The following LMNTD1 variants were observed in gnomAD, a reference collection of about 807,000 sequenced individuals.
LMNTD1 encodes lamin tail domain-containing protein 1.
A neutral mutation model predicts 50.9 loss-of-function variants in LMNTD1; 35 were observed. The ratio of observed to expected loss-of-function variants is 0.69; its 90% CI spans 0.53 to 0.91. The LOEUF (loss-of-function observed/expected upper bound fraction) is 0.91. Ranked by LOEUF, LMNTD1 falls within the 40% of genes least tolerant of loss-of-function variation. The pLI is 0.00. For missense variants in LMNTD1, 470 were observed against 475.5 expected, an observed-to-expected ratio of 0.99 and a Z score of 0.11; for synonymous variants, 153 against 161.9, an observed-to-expected ratio of 0.94 and a Z score of 0.42.
chr12:25,503,824 A>T (rs778330504), intron 8 of LMNTD1, 24 bp from the exon 9 acceptor site: 5 of 1,426,944 alleles, frequency 3.5e-6, no homozygotes, highest in African/African-American at 1.4e-5. Context: ...AAAATAATTA[A>T]AAAAAGGAGA....
chr12:25,622,462 AGCCC>A (rs1555124233), intron 1 of LMNTD1, among the ~76,000 whole-genome samples: 4 of 120,310 alleles, frequency 3.3e-5, no homozygotes, highest in South Asian at 2.9e-4. Context: ...TGAGTTTGTG[AGCCC>A]GCCCCCCCCC....
chr12:25,505,647 G>A (rs1412310454), intron 8 of LMNTD1, among the ~76,000 whole-genome samples: 2 of 144,270 alleles, frequency 1.4e-5, no homozygotes, highest in Admixed American at 7.0e-5. Flanking sequence ...AGTTTCTTTT[G>A]GAAAAATTAT....
intron 8 of LMNTD1, among the ~76,000 whole-genome samples, chr12:25,510,973 T>C (rs930534900): frequency 6.6e-6 from 1 of 152,100 alleles, no homozygotes; most frequent in African/African-American, 2.4e-5. Context: ...GAACACATAT[T>C]AGGAGCAAAA....
Position 25,549,349 on chromosome 12 carries a change from C to G in LMNTD1, c.287G>C (p.Cys96Ser). ...QLTSKATVGS[C>S]SRVENSLDAS... ...ACCCAAGCTGTTTTCCACTCTGGAA[C>G]AGCTACCTACAGTAGCTTTAGAAGT... Residue 96 changes from cysteine to serine, a missense_variant, in exon 3 of 10, where the codon TGT becomes TCT. By Grantham distance (112) the Cys-to-Ser change is moderately radical. Transcript: ENST00000458174. 1 of 1,608,148 alleles carries G rather than the reference C, an allele frequency of 6.2e-7. No individual in the cohort carries two copies. The highest frequency in any genetic ancestry group is 2.2e-5 in the East Asian group (1 of 44,710).
intron 8 of LMNTD1, among the ~76,000 whole-genome samples, chr12:25,517,771 G>GAAAC (rs1565959337): frequency 1.4e-5 from 2 of 142,252 alleles, no homozygotes; most frequent in Non-Finnish European, 3.1e-5. Context: ...CAGGAAAAAA[G>GAAAC]AAAAAGAAAT....
intron 4 of LMNTD1, among the ~76,000 whole-genome samples, chr12:25,533,026 A>G (rs1221302417): frequency 6.6e-6 from 1 of 152,164 alleles, no homozygotes; most frequent in Non-Finnish European, 1.5e-5. Context: ...CTTTTCAAAA[A>G]TCCTTCATTA....
At chr12:25,508,766 T>C (rs1940021517) in intron 8 of LMNTD1, among the ~76,000 whole-genome samples, 1 of 152,212 alleles carries the variant, frequency 6.6e-6, no homozygotes, top group Non-Finnish European at 1.5e-5. Context: ...ATTCTTGTCT[T>C]GCTCAGGACC....
rs1185692875 is a variant in LMNTD1 at position 25,564,838 on chromosome 12, C to T, written c.59-18284G>A. 2.0e-5 allele frequency among the ~76,000 whole-genome samples: 3 copies of T among 152,104 alleles called. No individual in the cohort carries two copies. In the East Asian group the frequency reaches 5.8e-4, roughly 29 times the overall value. ...GTTGAAAGTGGGGTGAAGTCTCTAG[C>T]TATTATTGTATTGGAGTCTATCTCT... On this transcript the variant is annotated intron_variant, in intron 1 of 7. Coordinates refer to the LMNTD1 transcript ENST00000445693.
intron 9 of LMNTD1, among the ~76,000 whole-genome samples, chr12:25,484,768 T>C (rs201366622): frequency 0.017 from 2,465 of 145,644 alleles, 93 homozygotes; most frequent in East Asian, 0.15. Context: ...GGTTTTTTCT[T>C]CTTGCGATAG....
At chr12:25,584,449 T>C (rs961843856) in intron 1 of LMNTD1, among the ~76,000 whole-genome samples, 2 of 152,192 alleles carry the variant, frequency 1.3e-5, no homozygotes, top group Non-Finnish European at 2.9e-5. Context: ...AAAAGTCCTA[T>C]ATGATGTTTT....
At chr12:25,635,748 A>G (rs2136610232) in intron 1 of LMNTD1, among the ~76,000 whole-genome samples, 1 of 152,378 alleles carries the variant, frequency 6.6e-6, no homozygotes, top group South Asian at 2.1e-4. Flanking sequence ...CTATAAGGCC[A>G]TAGCTACCAA....
chr12:25,498,842 A>G (rs188046730), intron 9 of LMNTD1, among the ~76,000 whole-genome samples: 1 of 152,282 alleles, frequency 6.6e-6, no homozygotes, highest in African/African-American at 2.4e-5. Flanking sequence ...TGGTTGCAAC[A>G]TGCTAGGCAT....
intron 1 of LMNTD1, among the ~76,000 whole-genome samples, chr12:25,593,464 G>A (rs1824923): frequency 0.29 from 43,751 of 151,854 alleles, 8,036 homozygotes; most frequent in East Asian, 0.86. Flanking sequence ...AGAGATAACA[G>A]TCACTACAGA....
At chr12:25,511,555 A>G (rs992455035) in intron 8 of LMNTD1, among the ~76,000 whole-genome samples, 1 of 152,196 alleles carries the variant, frequency 6.6e-6, no homozygotes, top group Admixed American at 6.5e-5. Flanking sequence ...TGGGCTGGAG[A>G]TAAAGAGTTT....
chr12:25,588,474 T>C (rs1945605568), intron 1 of LMNTD1, among the ~76,000 whole-genome samples: 1 of 152,174 alleles, frequency 6.6e-6, no homozygotes, highest in East Asian at 1.9e-4. Context: ...AATATTGATG[T>C]AAAGAAGTAA....
rs1448177600 is a variant in LMNTD1, at chr12:25,621,923, T to G, written c.58+26571A>C. On this transcript the variant is annotated intron_variant, in intron 1 of 7. Transcript: ENST00000445693. ...AAAACTGATGTGATTGCCTCCATAGTAAGAGGATCACCCTGGCTGCTGTTA... is the reference window on the plus strand; with the variant it reads ...AAAACTGATGTGATTGCCTCCATAGGAAGAGGATCACCCTGGCTGCTGTTA... 2.0e-5 allele frequency among the ~76,000 whole-genome samples: 3 copies of G among 152,188 alleles called. No homozygotes were observed. In the East Asian group the frequency reaches 5.8e-4, roughly 29 times the overall value.
At chr12:25,610,046 C>A (rs1946207623) in intron 1 of LMNTD1, among the ~76,000 whole-genome samples, 1 of 152,230 alleles carries the variant, frequency 6.6e-6, no homozygotes, top group South Asian at 2.1e-4. Context: ...CAAGCCTCAG[C>A]AATGGCGGAC....
At chr12:25,574,949 G>A (rs1204335326) in intron 1 of LMNTD1, among the ~76,000 whole-genome samples, 1 of 152,144 alleles carries the variant, frequency 6.6e-6, no homozygotes, top group Non-Finnish European at 1.5e-5. Context: ...TCATTCATCT[G>A]GAGGGTGATT....
intron 1 of LMNTD1, among the ~76,000 whole-genome samples, chr12:25,621,826 G>C (rs928933733): frequency 2.2e-4 from 34 of 152,334 alleles, no homozygotes; most frequent in Middle Eastern, 3.4e-3. Flanking sequence ...ACAAGGAAGA[G>C]AAGTGGGCCG....
Sources: allele counts gnomAD v4.1 joint callset (sites outside exome capture counted in the v4.1 genomes callset), GRCh38; gene constraint gnomAD v4.1.1; transcripts MANE v1.5; gene names NCBI Gene and HGNC (gene_info 2026-07-23, HGNC 2026-07-21).